PCDHGB1: variants seen among roughly 807,000 people sequenced by gnomAD.
PCDHGB1 encodes the protein protocadherin gamma-B1.
A neutral mutation model predicts 56.6 loss-of-function variants in PCDHGB1; 34 were observed. The ratio of observed to expected loss-of-function variants is 0.60; its 90% CI spans 0.46 to 0.80. The LOEUF is 0.80. PCDHGB1 is among the 30% of genes least tolerant of loss of function. PCDHGB1 has a pLI of 0.00. For missense variants in PCDHGB1, 1,278 were observed against 1,204.6 expected (o/e 1.06, Z -0.90); for synonymous variants, 561 against 505.9 (o/e 1.11, Z -1.46).
chr5:141,423,078 C>T (rs752144906), intron 1 of PCDHGB1: 2 of 1,614,108 alleles, frequency 1.2e-6, no homozygotes, highest in Non-Finnish European at 1.7e-6. Context: ...AGCCGGGACT[C>T]TTCGCGGTGG....
intron 1 of PCDHGB1, among the ~76,000 whole-genome samples, chr5:141,494,469 C>T (rs2099754623): frequency 6.6e-6 from 1 of 152,114 alleles, no homozygotes; most frequent in Non-Finnish European, 1.5e-5. Flanking sequence ...GCACCTCTTC[C>T]CCCAGTTCCA....
At chr5:141,365,555 G>A in intron 1 of PCDHGB1, 2 of 1,613,642 alleles carry the variant, frequency 1.2e-6, no homozygotes, top group South Asian at 1.1e-5. Context: ...AACAACTAGG[G>A]ACCTGGACAG....
chr5:141,510,958 G>A lies in PCDHGB1; in HGVS notation c.2569G>A (p.Gly857Arg). 6.2e-7 allele frequency: 1 copy of A among 1,614,130 alleles called. No homozygotes were observed. Among genetic ancestry groups the A allele is most frequent in the Non-Finnish European group, 8.5e-7 (1 of 1,180,012 alleles). The change falls in exon 4 of 4, where the codon GGG becomes AGG. Residue 857 changes from glycine to arginine, a missense_variant. Transcript: ENST00000523390. The stretch of plus-strand genomic sequence containing the variant: ...CTCTGTCTCTGCAGAAGCTGCTGAT[G>A]GGAGCTCCACCCTGGGAGGGGGTGC... ...ILASASEAAD[G>R]SSTLGGGAGT...
At chr5:141,403,789 C>G (rs1230029917) in intron 1 of PCDHGB1, 1 of 1,613,864 alleles carries the variant, frequency 6.2e-7, no homozygotes. Context: ...AAGTGGCATA[C>G]AAATTCTGGA....
intron 1 of PCDHGB1, chr5:141,414,638 A>G: frequency 6.2e-7 from 1 of 1,613,988 alleles, no homozygotes; most frequent in Non-Finnish European, 8.5e-7. Flanking sequence ...AGCAAAGAGA[A>G]TGCCCAGATT....
In PCDHGB1 at chr5:141,491,149, G is replaced by T; in HGVS notation, c.2410-3658G>T. 6.8e-6 allele frequency: 11 copies of T among 1,614,152 alleles called. No homozygotes were observed. The highest frequency in any genetic ancestry group is 9.3e-6 in the Non-Finnish European group (11 of 1,180,010). On this transcript the variant is annotated intron_variant, in intron 1 of 3. Transcript: ENST00000523390. This position sits in a 1 kb window ranked among gnomAD's most constrained non-coding sequence, Gnocchi z 6.9. ...GCGCACAGCCCGGGCCTTACTGGAGGATGACTCTGACACCCAGCAGGTGGT... is the reference window on the plus strand; with the variant it reads ...GCGCACAGCCCGGGCCTTACTGGAGTATGACTCTGACACCCAGCAGGTGGT...
Position 141,403,164 on chromosome 5 carries a change from G to A in PCDHGB1, c.2409+50495G>A, listed in dbSNP as rs11575960. The A allele has an allele frequency of 4.9e-3, 7,986 of 1,614,050 alleles. 45 individuals are homozygous for A. Among genetic ancestry groups the A allele is most frequent in the Admixed American group, 9.4e-3 (567 of 60,028 alleles). The stretch of plus-strand genomic sequence containing the variant: ...CGAGTCCGCATCGTCTCTAGAGGTA[G>A]GACGCAGCTTTTCTCTCTGAACCCG... On this transcript the variant is annotated intron_variant, in intron 1 of 3. Coordinates refer to ENST00000523390, the MANE Select transcript of PCDHGB1 (RefSeq NM_018922.3).
At chr5:141,483,972 A>G in intron 1 of PCDHGB1, among the ~76,000 whole-genome samples, 1 of 83,960 alleles carries the variant, frequency 1.2e-5, no homozygotes, top group Admixed American at 1.8e-4. Context: ...TGCTTGTGCA[A>G]GGGAGTAGCT....
chr5:141,489,971 C>A lies in PCDHGB1; in HGVS notation c.2410-4836C>A, dbSNP rs1254025468. 1 of 1,614,060 alleles carries A rather than the reference C, an allele frequency of 6.2e-7. No homozygotes were observed. The highest frequency in any genetic ancestry group is 1.3e-5 in the African/African-American group (1 of 74,944). Reference sequence around the variant, plus strand: ...AATGATAATGCTCCAACCTTCCAATCCTCAGTTCTACGTGTGGGAATCCCA... The same window carrying A: ...AATGATAATGCTCCAACCTTCCAATACTCAGTTCTACGTGTGGGAATCCCA... On this transcript the variant is annotated intron_variant, in intron 1 of 3. Transcript: ENST00000523390. The surrounding 1 kb of genome is among the most constrained non-coding windows in gnomAD (Gnocchi z 4.5).
chr5:141,389,085 A>T (rs2091598298), intron 1 of PCDHGB1: 6 of 1,614,054 alleles, frequency 3.7e-6, no homozygotes, highest in Non-Finnish European at 5.1e-6. Context: ...AAACACGTAT[A>T]AATTAGTGAC....
intron 1 of PCDHGB1, chr5:141,410,053 C>T: frequency 6.2e-7 from 1 of 1,613,160 alleles, no homozygotes; most frequent in African/African-American, 1.3e-5. Context: ...CCGGACTCTT[C>T]AGCCTGGGGC....
At chr5:141,374,922 C>T in intron 1 of PCDHGB1, 2 of 1,613,928 alleles carry the variant, frequency 1.2e-6, no homozygotes, top group Non-Finnish European at 1.7e-6. Context: ...GTAACTTATT[C>T]CTTTGTGAAG....
At chr5:141,379,827 G>A (rs1217798060) in intron 1 of PCDHGB1, among the ~76,000 whole-genome samples, 3 of 142,646 alleles carry the variant, frequency 2.1e-5, no homozygotes, top group Non-Finnish European at 3.0e-5. Flanking sequence ...GAATTTTGAA[G>A]CATCAGGAAA....
rs748828282 is a variant in PCDHGB1 at position 141,491,412 on chromosome 5, C to T, written c.2410-3395C>T. The T allele has an allele frequency of 3.1e-6, 5 of 1,613,944 alleles. No homozygotes were observed. The African/African-American group carries it at 5.3e-5, about 17-fold the overall frequency. Reference sequence around the variant, plus strand: ...GCCTTCAGGGAAACGCAGACGGGGACGGGGGTGGAGGGCAGTGCTGCAGGC... The same window carrying T: ...GCCTTCAGGGAAACGCAGACGGGGATGGGGGTGGAGGGCAGTGCTGCAGGC... On this transcript the variant is annotated intron_variant, in intron 1 of 3. Coordinates refer to ENST00000523390, the MANE Select transcript of PCDHGB1 (RefSeq NM_018922.3). The surrounding 1 kb of genome is among the most constrained non-coding windows in gnomAD (Gnocchi z 6.9).
chr5:141,428,188 G>A (rs1023078587), intron 1 of PCDHGB1: 3 of 1,433,350 alleles, frequency 2.1e-6, no homozygotes, highest in Admixed American at 1.8e-5. Flanking sequence ...GACAGCCGCC[G>A]CTCTCTGCGC....
intron 1 of PCDHGB1, among the ~76,000 whole-genome samples, chr5:141,438,674 A>C (rs894070572): frequency 1.9e-4 from 25 of 134,850 alleles, no homozygotes; most frequent in Non-Finnish European, 3.1e-4. Context: ...ATATATTTGG[A>C]GTAGGGGATG....
intron 1 of PCDHGB1, among the ~76,000 whole-genome samples, chr5:141,357,988 G>A (rs182499898): frequency 1.8e-4 from 27 of 152,224 alleles, no homozygotes; most frequent in African/African-American, 5.5e-4. Context: ...TCAGGAGTTC[G>A]AGACCAGTCT....
At chr5:141,475,145 C>T (rs1214674720) in intron 1 of PCDHGB1, among the ~76,000 whole-genome samples, 2 of 151,980 alleles carry the variant, frequency 1.3e-5, no homozygotes, top group Non-Finnish European at 1.5e-5. Flanking sequence ...AAATCTTCTC[C>T]GTCTTCTTCT....
Position 141,510,363 on chromosome 5 carries a change from G to A in PCDHGB1, c.2558-584G>A, listed in dbSNP as rs973832487. Among the ~76,000 whole-genome samples the A allele has an allele frequency of 7.8e-5, 11 of 141,564 alleles. No individual in the cohort carries two copies. In the East Asian group the frequency reaches 1.6e-3, roughly 21 times the overall value. 92.9% of individuals were successfully genotyped at this position (141,564 alleles called of 152,430 possible). The stretch of plus-strand genomic sequence containing the variant: ...CCACACACTTACTAACGGAACTACC[G>A]AATCTCTACTCGTGCCAGGCCTTGC... On this transcript the variant is annotated intron_variant, in intron 3 of 3. Coordinates refer to ENST00000523390, the MANE Select transcript of PCDHGB1 (RefSeq NM_018922.3).
Sources: allele counts gnomAD v4.1 joint callset (sites outside exome capture counted in the v4.1 genomes callset), GRCh38; gene constraint gnomAD v4.1.1; non-coding constraint Gnocchi (gnomAD v3.1); transcripts MANE v1.5; gene names NCBI Gene and HGNC (gene_info 2026-07-23, HGNC 2026-07-21).